The following ZW10 variants were observed in gnomAD, a reference collection of about 807,000 sequenced individuals.
ZW10 encodes the protein centromere/kinetochore protein zw10 homolog.
Under a neutral mutation model 87.8 loss-of-function variants are expected in ZW10, and 53 were observed. That is an observed-to-expected ratio of 0.60 (90% CI 0.48 to 0.76). The LOEUF is 0.76. Ranked by LOEUF, ZW10 falls within the 30% of genes least tolerant of loss-of-function variation. The pLI, the probability that ZW10 is intolerant of heterozygous loss-of-function variation, is 0.00. For synonymous variants in ZW10, 312 were observed against 329.2 expected (o/e 0.95, Z 0.57); for missense variants, 837 against 923.0 (o/e 0.91, Z 1.21).
At chr11:113,744,824 T>C (rs1953663401) in intron 9 of ZW10, among the ~76,000 whole-genome samples, 1 of 152,148 alleles carries the variant, frequency 6.6e-6, no homozygotes, top group African/African-American at 2.4e-5. Flanking sequence ...CCAAAGTGCA[T>C]GGATTATAGG....
intron 7 of ZW10, chr11:113,751,061 C>T (rs1438400313): frequency 6.0e-6 from 1 of 167,096 alleles, no homozygotes; most frequent in East Asian, 1.3e-4. Flanking sequence ...CACAAAGAGC[C>T]ATCGTGGTTT....
intron 13 of ZW10, among the ~76,000 whole-genome samples, chr11:113,737,913 C>T (rs1953571333): frequency 6.6e-6 from 1 of 152,120 alleles, no homozygotes; most frequent in Admixed American, 6.6e-5. Context: ...GATAGGAAAA[C>T]TGCAGCAAAA....
intron 1 of ZW10, 59 bp downstream of exon 1, chr11:113,773,503 C>A: frequency 6.9e-7 from 1 of 1,458,108 alleles, no homozygotes; most frequent in Non-Finnish European, 9.5e-7. Flanking sequence ...TCTCTCCAGT[C>A]CCTTCACACA....
At chr11:113,765,707 C>T (rs1286833596) in intron 2 of ZW10, among the ~76,000 whole-genome samples, 1 of 152,216 alleles carries the variant, frequency 6.6e-6, no homozygotes, top group Non-Finnish European at 1.5e-5. Flanking sequence ...GCCAAAGCTG[C>T]TGCTCTACAG....
Position 113,738,480 on chromosome 11 carries a change from A to G in ZW10, c.1754-86T>C, listed in dbSNP as rs540634470. The G allele has an allele frequency of 1.0e-4, 131 of 1,310,124 alleles. 3 individuals are homozygous for G. In the South Asian group the frequency reaches 1.8e-3, roughly 18 times the overall value. The allele number at this position is 1,310,124 out of a possible 1,614,324, so 81.2% of individuals were successfully genotyped here. Reference sequence around the variant, plus strand: ...AGGATAGACAAGAGATGCATAAACCATGTATCTGTTCTGCCTATATAAAAA... The same window carrying G: ...AGGATAGACAAGAGATGCATAAACCGTGTATCTGTTCTGCCTATATAAAAA... On this transcript the variant is annotated intron_variant, in intron 12 of 15. Coordinates refer to ENST00000200135, the MANE Select transcript of ZW10 (RefSeq NM_004724.4).
intron 1 of ZW10, among the ~76,000 whole-genome samples, chr11:113,769,388 A>C (rs1419596415): frequency 1.3e-5 from 2 of 152,246 alleles, no homozygotes; most frequent in Non-Finnish European, 1.5e-5. Flanking sequence ...TTAATCATAA[A>C]TCTAATAGAA....
At chr11:113,758,184 C>G (rs1369890407) in intron 6 of ZW10, among the ~76,000 whole-genome samples, 1 of 148,848 alleles carries the variant, frequency 6.7e-6, no homozygotes, top group African/African-American at 2.5e-5. Context: ...CAAAAAAAAA[C>G]ACTTCTAAAA....
chr11:113,769,422 T>C (rs992680671), intron 1 of ZW10, among the ~76,000 whole-genome samples: 4 of 152,238 alleles, frequency 2.6e-5, no homozygotes, highest in African/African-American at 9.6e-5. Flanking sequence ...ATTAAATCCA[T>C]AATCTGTATA....
chr11:113,773,026 TG>T (rs1012987721), intron 1 of ZW10, among the ~76,000 whole-genome samples: 8 of 133,584 alleles, frequency 6.0e-5, no homozygotes, highest in African/African-American at 2.0e-4. Flanking sequence ...GGTTTGGGTT[TG>T]TTTTTTTTTT....
At chr11:113,769,762 C>T (rs73009860) in intron 1 of ZW10, 10,676 of 421,628 alleles carry the variant, frequency 0.025, 178 homozygotes, top group Non-Finnish European at 0.034. Context: ...CACAGAAGCA[C>T]CACCTATCAT....
chr11:113,747,355 T>C (rs1221151183), intron 9 of ZW10, among the ~76,000 whole-genome samples, 176 bp downstream of exon 9: 1 of 152,162 alleles, frequency 6.6e-6, no homozygotes, highest in Non-Finnish European at 1.5e-5. Context: ...CAATACCCAA[T>C]GGAAGAGGTG....
intron 1 of ZW10, among the ~76,000 whole-genome samples, chr11:113,772,989 G>C (rs1937655735): frequency 6.6e-6 from 1 of 150,968 alleles, no homozygotes; most frequent in Non-Finnish European, 1.5e-5. Flanking sequence ...AAGATAGATA[G>C]ATACATAAAA....
chr11:113,757,953 A>T, intron 6 of ZW10, 100 bp from the exon 7 acceptor site: 1 of 960,220 alleles, frequency 1.0e-6, no homozygotes, highest in Non-Finnish European at 1.5e-6. Flanking sequence ...TGGGAGGCCG[A>T]GGCAGGTGGA....
chr11:113,769,429 T>C (rs1447287444), intron 1 of ZW10, among the ~76,000 whole-genome samples: 2 of 152,230 alleles, frequency 1.3e-5, no homozygotes, highest in African/African-American at 4.8e-5. Context: ...CCATAATCTG[T>C]ATATCTCAAT....
At chr11:113,763,525 T>C (rs1953883507) in intron 2 of ZW10, among the ~76,000 whole-genome samples, 1 of 152,162 alleles carries the variant, frequency 6.6e-6, no homozygotes, top group Non-Finnish European at 1.5e-5. Flanking sequence ...CTCTCCAGCA[T>C]CTATTGTTTC....
chr11:113,745,356 G>C (rs1350928131), intron 9 of ZW10, among the ~76,000 whole-genome samples: 1 of 150,818 alleles, frequency 6.6e-6, no homozygotes, highest in African/African-American at 2.4e-5. Flanking sequence ...TACTCCCACT[G>C]CAAGAATAAC....
intron 1 of ZW10, among the ~76,000 whole-genome samples, chr11:113,769,436 C>T (rs916679884): frequency 1.3e-5 from 2 of 152,276 alleles, no homozygotes; most frequent in South Asian, 4.1e-4. Flanking sequence ...CTGTATATCT[C>T]AATCAATTTC....
At position 113,739,299 on chromosome 11, in the gene ZW10, C is replaced by T. The variant is rs773919044; in HGVS notation, c.1667G>A (p.Gly556Glu). Residue 556 changes from glycine (G) to glutamate (E), a missense_variant, in exon 12 of 16, where the codon GGG becomes GAG. Transcript: ENST00000200135. ...GGCAAGACGCAATCTGAACTGATGC[C>T]CGAGGGTCAGCAAGTGGTGAGCAAT... ...MYIAHHLLTL[G>E]HQFRLRLAPI... The T allele has an allele frequency of 8.7e-6, 14 of 1,613,618 alleles. No individual in the cohort carries two copies. The highest frequency in any genetic ancestry group is 1.7e-5 in the Admixed American group (1 of 59,966).
Position 113,736,721 on chromosome 11 carries a change from G to A in ZW10, c.2118C>T (p.Asn706=). The change falls in exon 15 of 16, where the codon AAC becomes AAT. Residue 706 remains asparagine (N), a synonymous_variant. Coordinates refer to ENST00000200135, the MANE Select transcript of ZW10 (RefSeq NM_004724.4). ...CTGGAACCTCTTCTTGATATTTCTT[G>A]TTCTTGCTTTCTTCAGATAAAGGTG... is the stretch of plus-strand genomic sequence containing the variant. ...VFAPLSEESK[N]KKYQEEVPVY... The A allele has an allele frequency of 6.2e-7, 1 of 1,614,108 alleles. No individual in the cohort carries two copies. Among genetic ancestry groups the A allele is most frequent in the Non-Finnish European group, 8.5e-7 (1 of 1,180,008 alleles).
Sources: gnomAD v4.1 joint callset for allele counts (sites outside exome capture counted in the v4.1 genomes callset) on GRCh38, gnomAD v4.1.1 for gene constraint, MANE v1.5 for transcripts, NCBI Gene and HGNC (gene_info 2026-07-23, HGNC 2026-07-21) for gene names.